Variants in DCC observed in about 807,000 individuals in gnomAD.
DCC encodes the protein netrin receptor DCC.
A neutral mutation model predicts 172.5 loss-of-function variants in DCC; 58 were observed. The ratio of observed to expected loss-of-function variants is 0.34; its 90% CI spans 0.27 to 0.42. DCC has a LOEUF of 0.42. Among genes scored for constraint, DCC ranks in the 10% least tolerant of loss-of-function variants. The pLI, the probability that DCC is intolerant of heterozygous loss-of-function variation, is 1.00. For synonymous variants in DCC, 709 were observed against 644.5 expected, an observed-to-expected ratio of 1.10 and a Z score of -1.52; for missense variants, 1,740 against 1,791.0, an observed-to-expected ratio of 0.97 and a Z score of 0.51.
rs372475143 is a variant in DCC at position 53,305,640 on chromosome 18, T to C, written c.1974T>C (p.Tyr658=). The stretch of plus-strand genomic sequence containing the variant: ...CACAAAATGGATTTATTACCGGCTA[T>C]AAAATTCGACACAGAAAGACGACCC... ...SGTQNGFITG[Y]KIRHRKTTRR... is the part of the protein sequence containing the mutation. The change falls in exon 13 of 29, where the codon TAT becomes TAC. Residue 658 remains tyrosine, a synonymous_variant. Coordinates refer to ENST00000442544, the MANE Select transcript of DCC (RefSeq NM_005215.4). The C allele has an allele frequency of 1.9e-6, 3 of 1,613,760 alleles. No individual in the cohort carries two copies. The highest frequency in any genetic ancestry group is 2.7e-5 in the African/African-American group (2 of 74,912).
chr18:53,245,293 GATAAA>G (rs774100825), intron 12 of DCC, among the ~76,000 whole-genome samples: 151 of 152,112 alleles, frequency 9.9e-4, no homozygotes, highest in Admixed American at 2.7e-3. Flanking sequence ...ATCTAAGTCC[GATAAA>G]ATAAAGTTTG....
At chr18:53,060,435 A>C in intron 5 of DCC, among the ~76,000 whole-genome samples, 1 of 152,174 alleles carries the variant, frequency 6.6e-6, no homozygotes, top group East Asian at 1.9e-4. Flanking sequence ...TGTGAAAGTT[A>C]GAGAATCTGA....
rs115609830 is a variant in DCC at position 53,230,715 on chromosome 18, C to T, written c.1911+15118C>T. ...GAATTATATGTAAAGGGAGCAAATG[C>T]TGGCCTTAAGAATTTTCACTTCAAA... On this transcript the variant is annotated intron_variant, in intron 12 of 28. Transcript: ENST00000442544. Among the ~76,000 whole-genome samples the T allele has an allele frequency of 4.2e-3, 645 of 151,896 alleles. 6 individuals are homozygous for T. The highest frequency in any genetic ancestry group is 0.015 in the African/African-American group (631 of 41,458).
intron 25 of DCC, among the ~76,000 whole-genome samples, chr18:53,473,052 G>A (rs2045718054): frequency 6.6e-6 from 1 of 152,056 alleles, no homozygotes; most frequent in African/African-American, 2.4e-5. Flanking sequence ...CTCAACCTAA[G>A]AAGTTTTATG....
At chr18:52,553,209 T>C (rs542510451) in intron 1 of DCC, among the ~76,000 whole-genome samples, 101 of 150,622 alleles carry the variant, frequency 6.7e-4, no homozygotes, top group South Asian at 1.7e-3. Flanking sequence ...TACATACTTA[T>C]ACAAACATAT....
chr18:52,380,426 G>A (rs1395483915), intron 1 of DCC, among the ~76,000 whole-genome samples: 1 of 151,940 alleles, frequency 6.6e-6, no homozygotes. Flanking sequence ...TGAGCTTGTG[G>A]TACCCAAGCA....
Position 52,655,676 on chromosome 18 carries a change from T to C in DCC, c.92-96378T>C, listed in dbSNP as rs914346197. 2.6e-5 allele frequency among the ~76,000 whole-genome samples: 4 copies of C among 152,162 alleles called. No homozygotes were observed. In the South Asian group the frequency reaches 6.2e-4, roughly 24 times the overall value. On this transcript the variant is annotated intron_variant, in intron 1 of 28. Coordinates refer to ENST00000442544, the MANE Select transcript of DCC (RefSeq NM_005215.4). ...ATAAGTAATGATATTTTAAAGGACA[T>C]AGGCAGTTGTATTACAAATAAAAGC... is the stretch of plus-strand genomic sequence containing the variant.
Position 53,391,772 on chromosome 18 carries a change from A to G in DCC, c.2573A>G (p.Asp858Gly). 1 of 1,614,000 alleles carries G rather than the reference A, an allele frequency of 6.2e-7. No individual in the cohort carries two copies. Among genetic ancestry groups the G allele is most frequent in the Non-Finnish European group, 8.5e-7 (1 of 1,179,894 alleles). ...VGVQAVALTH[D>G]AVRVSWADNS... The stretch of plus-strand genomic sequence containing the variant: ...GTACAGGCTGTGGCTCTTACCCATG[A>G]TGCTGTGAGGGTCAGCTGGGCAGAC... The change falls in exon 17 of 29, where the codon GAT (aspartate) becomes GGT (glycine). Residue 858 changes from aspartate to glycine, a missense_variant. Transcript: ENST00000442544.
chr18:52,981,905 C>T (rs1001084862), intron 5 of DCC, among the ~76,000 whole-genome samples: 44 of 151,898 alleles, frequency 2.9e-4, no homozygotes, highest in African/African-American at 1.1e-3. Flanking sequence ...GAAATTTAAG[C>T]AGGATCTTGA....
At chr18:52,891,134 A>T (rs1304006181) in intron 2 of DCC, among the ~76,000 whole-genome samples, 1 of 152,098 alleles carries the variant, frequency 6.6e-6, no homozygotes, top group Non-Finnish European at 1.5e-5. Context: ...AATTAACTTG[A>T]GTCGGTCAGA....
intron 1 of DCC, among the ~76,000 whole-genome samples, chr18:52,628,068 C>T (rs1326694814): frequency 6.6e-6 from 1 of 152,110 alleles, no homozygotes; most frequent in East Asian, 1.9e-4. Context: ...AAGTATTTTC[C>T]TTTACCCTTT....
chr18:53,406,432 T>C (rs1418395882), intron 19 of DCC, among the ~76,000 whole-genome samples: 1 of 149,998 alleles, frequency 6.7e-6, no homozygotes, highest in African/African-American at 2.4e-5. Context: ...AGGCCAGGCG[T>C]AGTAGCTCAC....
At chr18:53,026,324 A>T (rs1405752812) in intron 5 of DCC, among the ~76,000 whole-genome samples, 5 of 151,858 alleles carry the variant, frequency 3.3e-5, no homozygotes, top group Non-Finnish European at 4.4e-5. Context: ...TTTGTCTTTT[A>T]TGTCTTATCT....
chr18:52,734,842 A>C (rs1283282792), intron 1 of DCC, among the ~76,000 whole-genome samples: 1 of 152,184 alleles, frequency 6.6e-6, no homozygotes, highest in Admixed American at 6.6e-5. Context: ...AAGGGATTTA[A>C]GCAGAATTGT....
At chr18:52,356,697 C>T (rs1029349753) in intron 1 of DCC, among the ~76,000 whole-genome samples, 3 of 152,120 alleles carry the variant, frequency 2.0e-5, no homozygotes, top group African/African-American at 7.2e-5. Flanking sequence ...AGTTATCTCA[C>T]ATGTGTTATT....
At chr18:53,234,926 T>C (rs139924210) in intron 12 of DCC, among the ~76,000 whole-genome samples, 91 of 152,350 alleles carry the variant, frequency 6.0e-4, no homozygotes, top group African/African-American at 2.1e-3. Flanking sequence ...ATATATTCAT[T>C]TTATCACTTA....
chr18:53,046,641 A>G (rs2042242999), intron 5 of DCC, among the ~76,000 whole-genome samples: 2 of 151,950 alleles, frequency 1.3e-5, no homozygotes, highest in Admixed American at 6.6e-5. Flanking sequence ...GAACCACTCC[A>G]CCTACAGTAA....
chr18:53,095,416 A>G (rs577241107), intron 7 of DCC, among the ~76,000 whole-genome samples: 1 of 152,358 alleles, frequency 6.6e-6, no homozygotes, highest in East Asian at 1.9e-4. Flanking sequence ...CTCTAAGAAC[A>G]TGAAACAAAA....
At chr18:53,515,173 A>G (rs1333573255) in intron 27 of DCC, among the ~76,000 whole-genome samples, 2 of 152,038 alleles carry the variant, frequency 1.3e-5, no homozygotes, top group African/African-American at 4.8e-5. Flanking sequence ...GTAATCCAGC[A>G]TATAAACAGA....
Sources: gnomAD v4.1 joint callset for allele counts (sites outside exome capture counted in the v4.1 genomes callset) on GRCh38, gnomAD v4.1.1 for gene constraint, MANE v1.5 for transcripts, NCBI Gene and HGNC (gene_info 2026-07-23, HGNC 2026-07-21) for gene names.